Variants in SEC24B observed in about 807,000 individuals in gnomAD.
SEC24B encodes the protein protein transport protein Sec24B.
Under a neutral mutation model 142.8 loss-of-function variants are expected in SEC24B, and 45 were observed. The ratio of observed to expected loss-of-function variants is 0.32; its 90% CI spans 0.25 to 0.40. SEC24B has a LOEUF of 0.40. Ranked by LOEUF, SEC24B falls within the 10% of genes least tolerant of loss-of-function variation. The probability of loss-of-function intolerance (pLI) is 1.00; values close to 1 mark genes in which losing one functional copy is unlikely to be tolerated. For synonymous variants in SEC24B, 574 were observed against 568.2 expected, an observed-to-expected ratio of 1.01 and a Z score of -0.15; for missense variants, 1,409 against 1,526.8, an observed-to-expected ratio of 0.92 and a Z score of 1.29.
chr4:109,531,425 G>C lies in SEC24B; in HGVS notation c.3293G>C (p.Arg1098Pro). 6.2e-7 allele frequency: 1 copy of C among 1,613,366 alleles called. No homozygotes were observed. The highest frequency in any genetic ancestry group is 8.5e-7 in the Non-Finnish European group (1 of 1,179,354). ...GGTACAAGCACACGGCTGGATGATCGTGTATATGCCATGTGTCAGATAAAG... is the reference window on the plus strand; with the variant it reads ...GGTACAAGCACACGGCTGGATGATCCTGTATATGCCATGTGTCAGATAAAG... ...RTGTSTRLDD[R>P]VYAMCQIKSQ... Residue 1098 changes from arginine (R) to proline (P), a missense_variant, in exon 20 of 24, where the codon CGT becomes CCT. Coordinates refer to ENST00000265175, the MANE Select transcript of SEC24B (RefSeq NM_006323.5).
chr4:109,506,320 T>G lies in SEC24B; in HGVS notation c.1489-8T>G. ...GTTCTTTTATTTTGTTTTGAATTGC[T>G]CTTTCAGCAGTATCCTGGTGTGAAC... On this transcript the variant is annotated splice_region_variant and splice_polypyrimidine_tract_variant and intron_variant, in intron 6 of 23. Coordinates refer to ENST00000265175, the MANE Select transcript of SEC24B (RefSeq NM_006323.5). 1 of 1,511,502 alleles carries G rather than the reference T, an allele frequency of 6.6e-7. No homozygotes were observed. Among genetic ancestry groups the G allele is most frequent in the Non-Finnish European group, 8.8e-7 (1 of 1,133,654 alleles). 93.6% of individuals were successfully genotyped at this position (1,511,502 alleles called of 1,614,324 possible).
intron 1 of SEC24B, among the ~76,000 whole-genome samples, chr4:109,436,024 T>C (rs1467059746): frequency 1.3e-5 from 2 of 152,084 alleles, no homozygotes; most frequent in Non-Finnish European, 2.9e-5. Context: ...AGCCAAGGCA[T>C]CGAAGCCGAA....
chr4:109,493,521 C>CT (rs1735221002), intron 5 of SEC24B, among the ~76,000 whole-genome samples: 1 of 151,792 alleles, frequency 6.6e-6, no homozygotes, highest in South Asian at 2.1e-4. Flanking sequence ...TTGTTTTCCA[C>CT]TTTCTGTTTT....
chr4:109,494,658 C>A lies in SEC24B; in HGVS notation c.1290C>A (p.Ala430=), dbSNP rs377553108. ...CAAGCAGTCCTGCTCCTGATCCCGC[C>A]CCTGAACCTGATCCTGCTTCTGCTC... is the stretch of plus-strand genomic sequence containing the variant. ...SSASSPAPDP[A]PEPDPASAPA... The change falls in exon 6 of 24, where the codon GCC becomes GCA. Residue 430 remains alanine, a synonymous_variant. Transcript: ENST00000265175. 4.3e-6 allele frequency: 7 copies of A among 1,613,982 alleles called. No homozygotes were observed. In the African/African-American group the frequency reaches 9.3e-5, roughly 22 times the overall value.
At chr4:109,450,048 A>G (rs1440779716) in intron 1 of SEC24B, among the ~76,000 whole-genome samples, 1 of 151,624 alleles carries the variant, frequency 6.6e-6, no homozygotes, top group Non-Finnish European at 1.5e-5. Flanking sequence ...TTGTTTCTAC[A>G]AACAAAGTAA....
intron 1 of SEC24B, among the ~76,000 whole-genome samples, chr4:109,437,866 A>G (rs1055104027): frequency 1.3e-5 from 2 of 151,976 alleles, no homozygotes; most frequent in Non-Finnish European, 2.9e-5. Context: ...CTTGTGATCC[A>G]CCTGCCTCGG....
intron 3 of SEC24B, among the ~76,000 whole-genome samples, chr4:109,480,130 T>C (rs1447134344): frequency 6.6e-6 from 1 of 152,194 alleles, no homozygotes; most frequent in African/African-American, 2.4e-5. Context: ...TTTCCATGAC[T>C]TTTTTTAGTC....
chr4:109,491,499 G>A, intron 5 of SEC24B, 92 bp downstream of exon 5: 1 of 901,428 alleles, frequency 1.1e-6, no homozygotes, highest in Admixed American at 2.2e-5. Flanking sequence ...CATAATAGCA[G>A]GCTATATTTT....
intron 1 of SEC24B, among the ~76,000 whole-genome samples, chr4:109,441,616 G>A (rs1728936201): frequency 6.6e-6 from 1 of 152,122 alleles, no homozygotes; most frequent in African/African-American, 2.4e-5. Flanking sequence ...ATTTTTTGTA[G>A]AGATGGGGTT....
intron 8 of SEC24B, 31 bp from the exon 9 acceptor site, chr4:109,511,926 T>G (rs1252505488): frequency 6.2e-7 from 1 of 1,607,178 alleles, no homozygotes; most frequent in Non-Finnish European, 8.5e-7. Flanking sequence ...GGTGCCTTTT[T>G]CTGCTACAGC....
chr4:109,523,373 G>A (rs145755186), intron 14 of SEC24B, among the ~76,000 whole-genome samples: 2,366 of 152,122 alleles, frequency 0.016, 46 homozygotes, highest in Admixed American at 0.02. Flanking sequence ...AGATGGCTGA[G>A]GCAGGAGAAT....
At chr4:109,462,590 AAGAG>A (rs1731378418) in intron 1 of SEC24B, among the ~76,000 whole-genome samples, 1 of 152,170 alleles carries the variant, frequency 6.6e-6, no homozygotes, top group Non-Finnish European at 1.5e-5. Context: ...ATCTGAGAGA[AAGAG>A]AGCCAGAGCT....
intron 1 of SEC24B, among the ~76,000 whole-genome samples, chr4:109,460,026 T>C (rs1731096026): frequency 6.6e-6 from 1 of 152,180 alleles, no homozygotes; most frequent in African/African-American, 2.4e-5. Flanking sequence ...GATGAATTAT[T>C]ACCATCTAAA....
At chr4:109,536,186 T>C (rs1012211842) in intron 22 of SEC24B, among the ~76,000 whole-genome samples, 1 of 152,110 alleles carries the variant, frequency 6.6e-6, no homozygotes, top group Admixed American at 6.6e-5. Context: ...GGGAAATATA[T>C]GAAAAATAAA....
chr4:109,501,942 T>C (rs560022780), intron 6 of SEC24B, among the ~76,000 whole-genome samples: 2 of 152,248 alleles, frequency 1.3e-5, no homozygotes, highest in South Asian at 4.1e-4. Context: ...AGACAATAAA[T>C]AAGTAAACAA....
chr4:109,475,503 T>G (rs1578840562), intron 3 of SEC24B, among the ~76,000 whole-genome samples: 1 of 152,226 alleles, frequency 6.6e-6, no homozygotes, highest in African/African-American at 2.4e-5. Context: ...TTTCTGTTTT[T>G]AGGGGAGACA....
chr4:109,466,587 T>C (rs1731904360), intron 2 of SEC24B, among the ~76,000 whole-genome samples: 1 of 152,146 alleles, frequency 6.6e-6, no homozygotes, highest in Admixed American at 6.5e-5. Context: ...ATTTTTTATA[T>C]TTTTAGTAGA....
intron 4 of SEC24B, among the ~76,000 whole-genome samples, chr4:109,482,617 A>G (rs1733844764): frequency 6.6e-6 from 1 of 151,906 alleles, no homozygotes; most frequent in African/African-American, 2.4e-5. Flanking sequence ...ATAATTTTGT[A>G]CTATATATAT....
At chr4:109,517,881 G>A (rs1393998817) in intron 11 of SEC24B, among the ~76,000 whole-genome samples, 1 of 152,152 alleles carries the variant, frequency 6.6e-6, no homozygotes, top group Non-Finnish European at 1.5e-5. Flanking sequence ...TTAAAGGGAA[G>A]GAGGGAACTG....
Sources: allele counts gnomAD v4.1 joint callset (sites outside exome capture counted in the v4.1 genomes callset), GRCh38; gene constraint gnomAD v4.1.1; transcripts MANE v1.5; gene names NCBI Gene and HGNC (gene_info 2026-07-23, HGNC 2026-07-21).